The following CTNNA2 variants were observed in gnomAD, a reference collection of about 807,000 sequenced individuals.
CTNNA2 encodes catenin alpha-2.
CTNNA2 carries 42 observed loss-of-function variants against 101.0 expected under a neutral mutation model. That is an observed-to-expected ratio of 0.42 (90% confidence interval 0.32 to 0.54). CTNNA2 has a LOEUF of 0.54. CTNNA2 is among the 20% of genes least tolerant of loss of function. The pLI, the probability that CTNNA2 is intolerant of heterozygous loss-of-function variation, is 0.14. For synonymous variants in CTNNA2, 450 were observed against 456.4 expected (o/e 0.99, Z 0.18); for missense variants, 871 against 1,223.1 (o/e 0.71, Z 4.29).
chr2:79,879,515 T>C lies in CTNNA2; in HGVS notation c.852+5173T>C, dbSNP rs566415918. On this transcript the variant is annotated intron_variant, in intron 6 of 18. Coordinates refer to ENST00000402739, the MANE Select transcript of CTNNA2 (RefSeq NM_001282597.3). ...TTCCTTGAGCAGTGGTTTGTAGTTC[T>C]CCTTGAAGAGGTCCTTCACATCCTT... 3.9e-5 allele frequency among the ~76,000 whole-genome samples: 6 copies of C among 152,292 alleles called. No individual in the cohort carries two copies. The South Asian group carries it at 8.3e-4, about 21-fold the overall frequency.
At chr2:79,575,496 T>C (rs1675737413) in intron 1 of CTNNA2, 1 of 151,914 alleles carries the variant, frequency 6.6e-6, no homozygotes, top group African/African-American at 2.4e-5. Flanking sequence ...CTATAGAGAG[T>C]GGGGTGAAAT....
chr2:79,344,879 TAA>T (rs1677225908), intron 3 of CTNNA2, among the ~76,000 whole-genome samples: 1 of 145,936 alleles, frequency 6.9e-6, no homozygotes. Flanking sequence ...TTTATATATA[TAA>T]TATATATATA....
At chr2:79,377,602 A>C (rs1400004966) in intron 4 of CTNNA2, among the ~76,000 whole-genome samples, 1 of 152,126 alleles carries the variant, frequency 6.6e-6, no homozygotes, top group African/African-American at 2.4e-5. Flanking sequence ...AGCAGAGGGC[A>C]TATTTGTTTG....
At chr2:79,535,109 T>A (rs897211110) in intron 1 of CTNNA2, among the ~76,000 whole-genome samples, 8 of 152,138 alleles carry the variant, frequency 5.3e-5, no homozygotes, top group African/African-American at 1.9e-4. Context: ...AAATTTAACA[T>A]ATGATAGACA....
At chr2:79,557,123 C>T (rs879330292) in intron 1 of CTNNA2, among the ~76,000 whole-genome samples, 1 of 151,962 alleles carries the variant, frequency 6.6e-6, no homozygotes, top group African/African-American at 2.4e-5. Context: ...CTTTTATTGT[C>T]CCCTGTGGGA....
intron 6 of CTNNA2, among the ~76,000 whole-genome samples, chr2:79,882,433 A>G (rs1398181472): frequency 6.6e-6 from 1 of 152,172 alleles, no homozygotes; most frequent in Non-Finnish European, 1.5e-5. Flanking sequence ...GCTGCAGGGA[A>G]GCCCCACCCA....
intron 4 of CTNNA2, among the ~76,000 whole-genome samples, chr2:79,424,415 G>A (rs1227262130): frequency 6.6e-6 from 1 of 152,084 alleles, no homozygotes; most frequent in African/African-American, 2.4e-5. Flanking sequence ...ACATAGCAGA[G>A]CAGGATTGTC....
chr2:80,608,727 A>G (rs1698228016), intron 17 of CTNNA2, among the ~76,000 whole-genome samples: 1 of 151,790 alleles, frequency 6.6e-6, no homozygotes, highest in Non-Finnish European at 1.5e-5. Flanking sequence ...CATGTTAGAG[A>G]TGATGAAAAC....
chr2:80,615,173 T>A (rs216679), intron 17 of CTNNA2, among the ~76,000 whole-genome samples: 85,798 of 151,182 alleles, frequency 0.57, 24,698 homozygotes, highest in African/African-American at 0.64. Flanking sequence ...CCTTAGCTGG[T>A]TAAAAATAAG....
At chr2:79,791,145 T>C (rs1452385061) in intron 3 of CTNNA2, among the ~76,000 whole-genome samples, 2 of 152,248 alleles carry the variant, frequency 1.3e-5, no homozygotes, top group East Asian at 1.9e-4. Flanking sequence ...ACTATTTAAA[T>C]AATATGTTTA....
At chr2:80,501,738 G>A (rs1332239490) in intron 9 of CTNNA2, among the ~76,000 whole-genome samples, 1 of 152,130 alleles carries the variant, frequency 6.6e-6, no homozygotes, top group African/African-American at 2.4e-5. Context: ...CCAAGCAAAG[G>A]TTTGCTTTTA....
chr2:79,875,473 T>C (rs1031437449), intron 6 of CTNNA2, among the ~76,000 whole-genome samples: 2 of 152,128 alleles, frequency 1.3e-5, no homozygotes, highest in African/African-American at 2.4e-5. Context: ...TACTTAATGG[T>C]CATGAAGAAA....
intron 1 of CTNNA2, among the ~76,000 whole-genome samples, chr2:79,644,441 C>T (rs1031498078): frequency 6.6e-6 from 1 of 152,184 alleles, no homozygotes. Context: ...ACCTTAATCA[C>T]ATCTGTAAAA....
intron 7 of CTNNA2, among the ~76,000 whole-genome samples, chr2:80,138,461 A>G (rs1289614176): frequency 6.6e-6 from 1 of 152,200 alleles, no homozygotes; most frequent in African/African-American, 2.4e-5. Context: ...GTGTTAATAT[A>G]CATTAAGCAT....
intron 17 of CTNNA2, among the ~76,000 whole-genome samples, chr2:80,612,502 A>C (rs1436816411): frequency 6.6e-6 from 1 of 151,604 alleles, no homozygotes; most frequent in African/African-American, 2.4e-5. Flanking sequence ...AGTGGTCAGG[A>C]ACTGAACAAG....
chr2:79,383,826 G>A (rs1351317720), intron 4 of CTNNA2, among the ~76,000 whole-genome samples: 1 of 152,166 alleles, frequency 6.6e-6, no homozygotes, highest in Non-Finnish European at 1.5e-5. Flanking sequence ...TGGGGGTCTG[G>A]AGACTGTCCA....
At chr2:80,558,763 A>G (rs1693286147) in intron 12 of CTNNA2, among the ~76,000 whole-genome samples, 1 of 152,172 alleles carries the variant, frequency 6.6e-6, no homozygotes, top group African/African-American at 2.4e-5. Context: ...CCAAGAGGAA[A>G]GATGAGGAGA....
chr2:80,079,859 AAATAAAATAAAATAAAATAAAAT>A (rs1326044324), intron 7 of CTNNA2, among the ~76,000 whole-genome samples: 4 of 144,104 alleles, frequency 2.8e-5, no homozygotes, highest in East Asian at 4.1e-4. Context: ...AAATAAAATA[AAATAAAATAAAATAAAATAAAAT>A]AATAAAATAA....
chr2:79,409,240 T>G (rs1263087422), intron 4 of CTNNA2, among the ~76,000 whole-genome samples: 2 of 152,156 alleles, frequency 1.3e-5, no homozygotes, highest in Non-Finnish European at 2.9e-5. Flanking sequence ...TTTCTCCCAT[T>G]TTGTAGGTTG....
Sources: allele counts gnomAD v4.1 joint callset (sites outside exome capture counted in the v4.1 genomes callset), GRCh38; gene constraint gnomAD v4.1.1; transcripts MANE v1.5; gene names NCBI Gene and HGNC (gene_info 2026-07-23, HGNC 2026-07-21).